The following TSEN2 variants were observed in gnomAD, a reference collection of about 807,000 sequenced individuals.
The protein encoded by TSEN2 is tRNA-splicing endonuclease subunit Sen2.
TSEN2 carries 54 observed loss-of-function variants against 59.2 expected under a neutral mutation model. That is an observed-to-expected ratio of 0.91 (90% CI 0.73 to 1.14). The LOEUF (loss-of-function observed/expected upper bound fraction) is 1.14. Among genes scored for constraint, TSEN2 ranks in the 50% most tolerant of loss-of-function variants. TSEN2 has a pLI of 0.00. For synonymous variants in TSEN2, 195 were observed against 198.2 expected (o/e 0.98, Z 0.14); for missense variants, 636 against 576.2 (o/e 1.10, Z -1.06).
intron 5 of TSEN2, among the ~76,000 whole-genome samples, chr3:12,503,999 G>T (rs1006190562): frequency 6.6e-6 from 1 of 152,132 alleles, no homozygotes; most frequent in African/African-American, 2.4e-5. Context: ...TTAAGACAAG[G>T]CCAGTGGTAT....
At chr3:12,530,116 C>G (rs2057370525) in intron 10 of TSEN2, 9 of 1,402,882 alleles carry the variant, frequency 6.4e-6, no homozygotes, top group Non-Finnish European at 7.4e-6. Context: ...AATGACGGAG[C>G]TTTGGAGTGT....
intron 10 of TSEN2, chr3:12,530,325 C>G (rs576302696): frequency 1.0e-6 from 1 of 987,902 alleles, no homozygotes; most frequent in South Asian, 4.7e-5. Context: ...TGTTGTTATC[C>G]TCATCCTGAG....
chr3:12,525,355 G>A (rs1303563238), intron 8 of TSEN2, among the ~76,000 whole-genome samples: 1 of 152,132 alleles, frequency 6.6e-6, no homozygotes, highest in Non-Finnish European at 1.5e-5. Flanking sequence ...ACCATAAGTA[G>A]TGATACCATA....
chr3:12,516,286 C>T (rs1311453533), intron 6 of TSEN2, among the ~76,000 whole-genome samples: 3 of 152,006 alleles, frequency 2.0e-5, no homozygotes, highest in African/African-American at 4.8e-5. Flanking sequence ...ATTAGCCGGG[C>T]GTGGCGGCGG....
chr3:12,521,489 T>A (rs148535744), intron 8 of TSEN2, among the ~76,000 whole-genome samples: 1 of 150,242 alleles, frequency 6.7e-6, no homozygotes, highest in Non-Finnish European at 1.5e-5. Flanking sequence ...CCGAGGCAGG[T>A]GGGTCACCTG....
chr3:12,530,067 A>G (rs1227994654), intron 10 of TSEN2, 194 bp downstream of exon 10: 1 of 1,429,440 alleles, frequency 7.0e-7, no homozygotes, highest in Non-Finnish European at 9.1e-7. Flanking sequence ...CTCATGTTAC[A>G]TTTTATTGTC....
intron 1 of TSEN2, among the ~76,000 whole-genome samples, chr3:12,485,212 G>C (rs1193946107): frequency 1.3e-5 from 2 of 152,140 alleles, no homozygotes; most frequent in Non-Finnish European, 2.9e-5. Context: ...CTGGGTAGGA[G>C]GTTTTTTAAC....
downstream of TSEN2, among the ~76,000 whole-genome samples, chr3:12,538,063 G>A (rs2057718530): frequency 6.6e-6 from 1 of 152,184 alleles, no homozygotes; most frequent in South Asian, 2.1e-4. Context: ...TGGGTGGGCA[G>A]TTTTGTGTTT....
In TSEN2 at chr3:12,506,645, T is replaced by C. The variant is rs183836819; in HGVS notation, c.909+1414T>C. 90 of 969,360 alleles carry C rather than the reference T, an allele frequency of 9.3e-5. 2 individuals are homozygous for C. The East Asian group carries it at 7.4e-3, about 80-fold the overall frequency. The allele number at this position is 969,360 out of a possible 1,614,324, so 60.0% of individuals were successfully genotyped here. A position where few individuals can be genotyped will look rare whatever the true frequency, so the allele number is the denominator to read the frequency against. On this transcript the variant is annotated intron_variant, in intron 6 of 11. Coordinates refer to ENST00000284995, the MANE Select transcript of TSEN2 (RefSeq NM_025265.4). Reference sequence around the variant, plus strand: ...ACTGCATCATATTGTCCCAGTGACCTGGAGTTCCTCTAACCTGTGGTCACT... The same window carrying C: ...ACTGCATCATATTGTCCCAGTGACCCGGAGTTCCTCTAACCTGTGGTCACT...
At position 12,532,945 on chromosome 3, in the gene TSEN2, A is replaced by G; in HGVS notation, c.*224A>G. Reference sequence around the variant, plus strand: ...TACTTGCGTTGGCCTCTAACTCTCCAATCCAGAGCCTCCTGCCTCTGGCGT... The same window carrying G: ...TACTTGCGTTGGCCTCTAACTCTCCGATCCAGAGCCTCCTGCCTCTGGCGT... On this transcript the variant is annotated 3_prime_UTR_variant, in exon 12 of 12. Transcript: ENST00000284995. The G allele has an allele frequency of 1.7e-6, 1 of 586,842 alleles. No individual in the cohort carries two copies. Among genetic ancestry groups the G allele is most frequent in the East Asian group, 2.9e-5 (1 of 34,472 alleles). 36.4% of individuals were successfully genotyped at this position (586,842 alleles called of 1,614,324 possible). A position where few individuals can be genotyped will look rare whatever the true frequency, so the allele number is the denominator to read the frequency against.
chr3:12,510,660 C>T (rs1403068456), intron 6 of TSEN2, among the ~76,000 whole-genome samples: 1 of 152,080 alleles, frequency 6.6e-6, no homozygotes, highest in African/African-American at 2.4e-5. Context: ...ATTTCTTTTC[C>T]CGTGCTTAGT....
intron 6 of TSEN2, among the ~76,000 whole-genome samples, chr3:12,515,241 G>T (rs1181973776): frequency 6.6e-6 from 1 of 152,170 alleles, no homozygotes; most frequent in Admixed American, 6.5e-5. Flanking sequence ...CTTTTGTTCT[G>T]TGTATGCCGG....
chr3:12,516,331 CA>C, intron 6 of TSEN2, among the ~76,000 whole-genome samples: 1 of 152,112 alleles, frequency 6.6e-6, no homozygotes, highest in Non-Finnish European at 1.5e-5. Flanking sequence ...GAGGCTGAGG[CA>C]GGAGAATGGT....
chr3:12,537,414 A>G (rs752855150), downstream of TSEN2, among the ~76,000 whole-genome samples: 21 of 152,140 alleles, frequency 1.4e-4, no homozygotes, highest in Non-Finnish European at 2.9e-4. Context: ...AAATAAATAA[A>G]TGAAAAAGAA....
chr3:12,520,317 T>C (rs534821932), intron 8 of TSEN2, among the ~76,000 whole-genome samples: 17 of 152,274 alleles, frequency 1.1e-4, no homozygotes, highest in African/African-American at 3.8e-4. Flanking sequence ...CATTTTCTGA[T>C]AGGGAGACTA....
At chr3:12,519,756 A>G (rs980542533) in intron 8 of TSEN2, among the ~76,000 whole-genome samples, 5 of 152,064 alleles carry the variant, frequency 3.3e-5, no homozygotes, top group African/African-American at 1.2e-4. Context: ...AAAGGAAAAA[A>G]AAAGAAAAAG....
In TSEN2 at chr3:12,519,138, AT is replaced by A; in HGVS notation, c.1042del (p.Tyr348ThrfsTer39). 6.2e-7 allele frequency: 1 copy of A among 1,614,252 alleles called. No homozygotes were observed. ...TTCAGAACCACCTACATGGCCTACC[AT>A]TACTTTCGAAGCAAGGGCTGGGTGC... ...PTFRTTYMAY[H>X]YFRSKGWVPK... is the part of the protein sequence containing the mutation. On this transcript the variant is annotated frameshift_variant, in exon 8 of 12. Transcript: ENST00000284995. LOFTEE classifies it high-confidence loss of function.
intron 3 of TSEN2, among the ~76,000 whole-genome samples, chr3:12,495,978 C>T (rs973237117): frequency 2.6e-5 from 4 of 152,226 alleles, no homozygotes; most frequent in Non-Finnish European, 5.9e-5. Context: ...GCGCCCTCAT[C>T]AGGCTGGTCT....
At chr3:12,497,463 A>G (rs1559291104) in intron 4 of TSEN2, among the ~76,000 whole-genome samples, 1 of 152,162 alleles carries the variant, frequency 6.6e-6, no homozygotes, top group South Asian at 2.1e-4. Context: ...GGAGATCTCA[A>G]TGGCTGTTCC....
Sources: gnomAD v4.1 joint callset for allele counts (sites outside exome capture counted in the v4.1 genomes callset) on GRCh38, gnomAD v4.1.1 for gene constraint, MANE v1.5 for transcripts, NCBI Gene and HGNC (gene_info 2026-07-23, HGNC 2026-07-21) for gene names.